Variants in CNTNAP2 observed in about 807,000 individuals in gnomAD.
The protein encoded by CNTNAP2 is contactin-associated protein-like 2.
Under a neutral mutation model 155.2 loss-of-function variants are expected in CNTNAP2, and 98 were observed. The ratio of observed to expected loss-of-function variants is 0.63; its 90% CI spans 0.54 to 0.75. The LOEUF (loss-of-function observed/expected upper bound fraction) is 0.75, where lower values mean the gene tolerates loss of function less well. Ranked by LOEUF, CNTNAP2 falls within the 30% of genes least tolerant of loss-of-function variation. CNTNAP2 has a pLI of 0.00. For synonymous variants in CNTNAP2, 651 were observed against 631.2 expected (o/e 1.03, Z -0.47); for missense variants, 1,727 against 1,688.1 (o/e 1.02, Z -0.40).
At chr7:146,975,142 A>C (rs748399442) in intron 3 of CNTNAP2, among the ~76,000 whole-genome samples, 2 of 152,120 alleles carry the variant, frequency 1.3e-5, no homozygotes, top group Non-Finnish European at 2.9e-5. Flanking sequence ...TGAAGGGAGC[A>C]CAAGGAGAGA....
At chr7:146,233,121 C>A (rs1276839390) in intron 1 of CNTNAP2, among the ~76,000 whole-genome samples, 1 of 151,902 alleles carries the variant, frequency 6.6e-6, no homozygotes, top group Non-Finnish European at 1.5e-5. Flanking sequence ...ATAAAGTGTT[C>A]TAAGCACTAA....
chr7:147,784,704 T>G (rs933714900), intron 13 of CNTNAP2, among the ~76,000 whole-genome samples: 4 of 150,522 alleles, frequency 2.7e-5, no homozygotes, highest in African/African-American at 9.7e-5. Flanking sequence ...CGGATTTGTG[T>G]TTTTTTATAT....
chr7:147,555,138 T>C (rs1337350357), intron 11 of CNTNAP2, among the ~76,000 whole-genome samples: 1 of 152,194 alleles, frequency 6.6e-6, no homozygotes, highest in East Asian at 1.9e-4. Flanking sequence ...GTCAGTTTCA[T>C]GGTTTCTAAT....
intron 13 of CNTNAP2, among the ~76,000 whole-genome samples, chr7:147,885,221 G>A (rs920309329): frequency 4.6e-5 from 7 of 152,112 alleles, no homozygotes; most frequent in Non-Finnish European, 7.3e-5. Context: ...GAAAAGAAGA[G>A]GCCAGGTCAG....
intron 8 of CNTNAP2, among the ~76,000 whole-genome samples, chr7:147,174,909 C>A (rs530401609): frequency 8.5e-5 from 13 of 152,080 alleles, no homozygotes; most frequent in Admixed American, 5.9e-4. Context: ...CTATAAGAGA[C>A]AATAATAATG....
intron 1 of CNTNAP2, among the ~76,000 whole-genome samples, chr7:146,721,889 A>ATATATATTTTTTTTTTTTTTTTTTT: frequency 1.4e-5 from 1 of 69,738 alleles, no homozygotes; most frequent in African/African-American, 1.9e-4. Context: ...ATATATATAT[A>ATATATATTTTTTTTTTTTTTTTTTT]TTTTTTTTTT....
intron 8 of CNTNAP2, among the ~76,000 whole-genome samples, chr7:147,251,450 G>A (rs1424144583): frequency 2.0e-5 from 3 of 152,166 alleles, no homozygotes; most frequent in Admixed American, 1.3e-4. Flanking sequence ...AGGTAGGTAG[G>A]TAGGTAGGTA....
intron 1 of CNTNAP2, among the ~76,000 whole-genome samples, chr7:146,255,045 CTGTT>C (rs1244723833): frequency 6.6e-6 from 1 of 151,888 alleles, no homozygotes; most frequent in Non-Finnish European, 1.5e-5. Context: ...TCAAGGGAGA[CTGTT>C]AGTGTGGTGG....
intron 15 of CNTNAP2, among the ~76,000 whole-genome samples, chr7:148,045,445 G>C (rs577253532): frequency 7.0e-6 from 1 of 142,610 alleles, no homozygotes; most frequent in African/African-American, 2.6e-5. Flanking sequence ...TTGGGCGTGA[G>C]TCAGGTAGGT....
intron 21 of CNTNAP2, among the ~76,000 whole-genome samples, chr7:148,362,133 T>C (rs1798634628): frequency 6.6e-6 from 1 of 151,770 alleles, no homozygotes; most frequent in Non-Finnish European, 1.5e-5. Flanking sequence ...CACTTGAACC[T>C]AGGAGGCAGA....
chr7:147,214,243 T>G (rs1803219306), intron 8 of CNTNAP2, among the ~76,000 whole-genome samples: 1 of 152,180 alleles, frequency 6.6e-6, no homozygotes, highest in Non-Finnish European at 1.5e-5. Context: ...TTTTTTTCTT[T>G]TATAACTAGG....
intron 2 of CNTNAP2, among the ~76,000 whole-genome samples, chr7:146,798,465 C>CCAAAG (rs1475777935): frequency 2.6e-5 from 4 of 152,026 alleles, no homozygotes; most frequent in Non-Finnish European, 5.9e-5. Context: ...CCTCAGCCTC[C>CCAAAG]TGGGTAGCTG....
At chr7:147,010,114 A>C (rs771160682) in intron 3 of CNTNAP2, among the ~76,000 whole-genome samples, 7 of 148,514 alleles carry the variant, frequency 4.7e-5, no homozygotes, top group Admixed American at 6.8e-5. Context: ...GGTTGAAGTG[A>C]TTCTTCCACC....
chr7:147,357,112 TC>T (rs1312349571), intron 9 of CNTNAP2, among the ~76,000 whole-genome samples: 4 of 152,138 alleles, frequency 2.6e-5, no homozygotes, highest in African/African-American at 9.7e-5. Context: ...CCTCAGCGAA[TC>T]TTCTCAAACA....
At chr7:146,264,615 T>C (rs1487859039) in intron 1 of CNTNAP2, among the ~76,000 whole-genome samples, 1 of 151,908 alleles carries the variant, frequency 6.6e-6, no homozygotes, top group African/African-American at 2.4e-5. Flanking sequence ...AACAGAGACA[T>C]GAGGAAACAG....
intron 11 of CNTNAP2, among the ~76,000 whole-genome samples, chr7:147,515,654 T>G (rs851834): frequency 0.64 from 97,326 of 151,798 alleles, 32,127 homozygotes; most frequent in South Asian, 0.77. Context: ...CTTTTGCTTA[T>G]TTGTGTGCTA....
At chr7:147,486,235 C>G (rs1400865890) in intron 11 of CNTNAP2, among the ~76,000 whole-genome samples, 194 bp downstream of exon 11, 1 of 152,104 alleles carries the variant, frequency 6.6e-6, no homozygotes, top group Non-Finnish European at 1.5e-5. Context: ...AATATGTTCT[C>G]TGGTGGCAAA....
chr7:148,097,492 TG>T (rs574883083), intron 15 of CNTNAP2, among the ~76,000 whole-genome samples: 1 of 151,972 alleles, frequency 6.6e-6, no homozygotes, highest in Non-Finnish European at 1.5e-5. Flanking sequence ...TACTCTTTTT[TG>T]GGGGGGCGGG....
At chr7:146,741,439 A>G (rs1036161030) in intron 1 of CNTNAP2, among the ~76,000 whole-genome samples, 1 of 152,162 alleles carries the variant, frequency 6.6e-6, no homozygotes. Context: ...CGAGCTTATA[A>G]TTTTGCTGGT....
Sources: allele counts gnomAD v4.1 joint callset (sites outside exome capture counted in the v4.1 genomes callset), GRCh38; gene constraint gnomAD v4.1.1; transcripts MANE v1.5; gene names NCBI Gene and HGNC (gene_info 2026-07-23, HGNC 2026-07-21).